Variants in LRMDA observed in about 807,000 individuals in gnomAD.
LRMDA encodes the protein leucine-rich melanocyte differentiation-associated protein.
A neutral mutation model predicts 29.8 loss-of-function variants in LRMDA; 18 were observed. The ratio of observed to expected loss-of-function variants is 0.60; its 90% CI spans 0.42 to 0.90. The LOEUF (loss-of-function observed/expected upper bound fraction) is 0.90, where lower values mean the gene tolerates loss of function less well. Among genes scored for constraint, LRMDA ranks in the 40% least tolerant of loss-of-function variants. The probability of loss-of-function intolerance (pLI) is 0.00; values close to 1 mark genes in which losing one functional copy is unlikely to be tolerated. For missense variants in LRMDA, 273 were observed against 273.9 expected (o/e 1.00, Z 0.02); for synonymous variants, 125 against 109.4 (o/e 1.14, Z -0.89).
intron 4 of LRMDA, among the ~76,000 whole-genome samples, chr10:76,047,949 G>A (rs1848468424): frequency 6.6e-6 from 1 of 152,178 alleles, no homozygotes; most frequent in Non-Finnish European, 1.5e-5. Context: ...TCAACCATGT[G>A]CTTTAAAAGC....
chr10:76,136,613 T>C (rs1350255286), intron 5 of LRMDA, among the ~76,000 whole-genome samples: 1 of 4,306 alleles, frequency 2.3e-4, no homozygotes, highest in African/African-American at 1.0e-3. Context: ...TTTAAACATA[T>C]TAAAAAAAAA....
At chr10:75,672,915 G>A (rs1290115373) in intron 2 of LRMDA, among the ~76,000 whole-genome samples, 1 of 149,098 alleles carries the variant, frequency 6.7e-6, no homozygotes, top group Non-Finnish European at 1.5e-5. Context: ...ATGGTTCCTA[G>A]TTCCTCTCGG....
intron 6 of LRMDA, among the ~76,000 whole-genome samples, chr10:76,555,382 G>A (rs891171083): frequency 2.6e-5 from 4 of 152,100 alleles, no homozygotes; most frequent in Admixed American, 2.6e-4. Flanking sequence ...TGGGGATTAG[G>A]GGCCAAGGAG....
chr10:76,094,577 A>C (rs1372512543), intron 5 of LRMDA, among the ~76,000 whole-genome samples: 1 of 152,126 alleles, frequency 6.6e-6, no homozygotes, highest in Non-Finnish European at 1.5e-5. Context: ...ATTCCAGGAA[A>C]TTATCTATAT....
intron 2 of LRMDA, among the ~76,000 whole-genome samples, chr10:75,891,115 A>AAAAG (rs1554832388): frequency 4.0e-5 from 6 of 151,288 alleles, no homozygotes; most frequent in African/African-American, 1.5e-4. Flanking sequence ...ACAAAAAAAA[A>AAAAG]AAAGAAAGAA....
chr10:76,425,935 T>A (rs1007094651), intron 6 of LRMDA, among the ~76,000 whole-genome samples: 2 of 152,184 alleles, frequency 1.3e-5, no homozygotes, highest in African/African-American at 4.8e-5. Context: ...CATGAACTCA[T>A]CATTTTTATG....
intron 2 of LRMDA, among the ~76,000 whole-genome samples, chr10:75,708,798 C>A (rs1842401618): frequency 6.6e-6 from 1 of 152,218 alleles, no homozygotes; most frequent in Non-Finnish European, 1.5e-5. Flanking sequence ...AAACACCCCA[C>A]CCAGTTTTGT....
At chr10:76,548,479 G>A (rs1293492677) in intron 6 of LRMDA, among the ~76,000 whole-genome samples, 1 of 151,684 alleles carries the variant, frequency 6.6e-6, no homozygotes, top group Non-Finnish European at 1.5e-5. Context: ...GTAACCTGAG[G>A]CTAAAAAACA....
At chr10:76,473,062 C>T (rs1842633900) in intron 6 of LRMDA, among the ~76,000 whole-genome samples, 1 of 151,444 alleles carries the variant, frequency 6.6e-6, no homozygotes, top group Admixed American at 6.6e-5. Flanking sequence ...CAGAAAAAGG[C>T]ATCATAAGAA....
chr10:75,962,937 T>C (rs1277120264), intron 2 of LRMDA, among the ~76,000 whole-genome samples: 1 of 152,202 alleles, frequency 6.6e-6, no homozygotes, highest in Non-Finnish European at 1.5e-5. Flanking sequence ...CATCCTGTTA[T>C]TGATGTATGG....
intron 2 of LRMDA, among the ~76,000 whole-genome samples, chr10:75,978,591 G>A (rs973773655): frequency 6.6e-6 from 1 of 152,342 alleles, no homozygotes; most frequent in Admixed American, 6.5e-5. Context: ...AAAGCAGGAG[G>A]TGGAGAATGG....
chr10:75,679,259 T>C (rs904456999), intron 2 of LRMDA, among the ~76,000 whole-genome samples: 1 of 152,238 alleles, frequency 6.6e-6, no homozygotes, highest in African/African-American at 2.4e-5. Context: ...ATAATGATAC[T>C]TATGGATCAT....
At chr10:75,935,985 C>T (rs1272520753) in intron 2 of LRMDA, among the ~76,000 whole-genome samples, 1 of 151,730 alleles carries the variant, frequency 6.6e-6, no homozygotes. Context: ...GTGTCTGCCC[C>T]CTCATTTTTA....
intron 6 of LRMDA, among the ~76,000 whole-genome samples, chr10:76,444,515 G>T (rs1449704158): frequency 6.6e-6 from 1 of 152,210 alleles, no homozygotes; most frequent in African/African-American, 2.4e-5. Flanking sequence ...TCAGTAACTT[G>T]TAGCTCATTT....
chr10:75,704,300 T>C (rs1457916307), intron 2 of LRMDA, among the ~76,000 whole-genome samples: 2 of 152,260 alleles, frequency 1.3e-5, no homozygotes, highest in African/African-American at 2.4e-5. Flanking sequence ...ATCATATGTA[T>C]TAGCAGAATT....
intron 6 of LRMDA, among the ~76,000 whole-genome samples, chr10:76,354,709 A>C (rs1841217944): frequency 6.6e-6 from 1 of 152,174 alleles, no homozygotes; most frequent in Non-Finnish European, 1.5e-5. Context: ...ATCATTGTAC[A>C]TATCTATGCG....
At chr10:75,821,396 A>T (rs1844154815) in intron 2 of LRMDA, among the ~76,000 whole-genome samples, 1 of 152,252 alleles carries the variant, frequency 6.6e-6, no homozygotes, top group Non-Finnish European at 1.5e-5. Flanking sequence ...CTGCATGAAC[A>T]GAATTGAAAA....
At chr10:76,442,979 G>A (rs891261102) in intron 6 of LRMDA, among the ~76,000 whole-genome samples, 16 of 152,014 alleles carry the variant, frequency 1.1e-4, no homozygotes, top group Admixed American at 7.2e-4. Context: ...TCAATTTTAC[G>A]GTATACAAAA....
chr10:75,820,584 T>G (rs906292211), intron 2 of LRMDA, among the ~76,000 whole-genome samples: 4 of 151,970 alleles, frequency 2.6e-5, no homozygotes, highest in Non-Finnish European at 5.9e-5. Flanking sequence ...AACCTAACCT[T>G]ATACCTAGAA....
Sources: allele counts gnomAD v4.1 joint callset (sites outside exome capture counted in the v4.1 genomes callset), GRCh38; gene constraint gnomAD v4.1.1; transcripts MANE v1.5; gene names NCBI Gene and HGNC (gene_info 2026-07-23, HGNC 2026-07-21).